Variants in GALNT18 observed in about 807,000 individuals in gnomAD.
The protein encoded by GALNT18 is polypeptide N-acetylgalactosaminyltransferase 18.
A neutral mutation model predicts 69.5 loss-of-function variants in GALNT18; 44 were observed. That is an observed-to-expected ratio of 0.63 (90% CI 0.50 to 0.81). GALNT18 has a LOEUF of 0.81. Among genes scored for constraint, GALNT18 ranks in the 40% least tolerant of loss-of-function variants. The probability of loss-of-function intolerance (pLI) is 0.00; values close to 1 mark genes in which losing one functional copy is unlikely to be tolerated. For missense variants in GALNT18, 715 were observed against 810.0 expected, an observed-to-expected ratio of 0.88 and a Z score of 1.42; for synonymous variants, 364 against 318.2, an observed-to-expected ratio of 1.14 and a Z score of -1.53.
rs1283727620 is a variant in GALNT18, at chr11:11,541,000, G to A, written c.235+80359C>T. Among the ~76,000 whole-genome samples the A allele has an allele frequency of 1.3e-5, 2 of 152,136 alleles. No homozygotes were observed. The highest frequency in any genetic ancestry group is 4.8e-5 in the African/African-American group (2 of 41,434). The stretch of plus-strand genomic sequence containing the variant: ...TCTTTTCTTTGATGGTGGATACTTC[G>A]GAAAACAGAAATAGAATTACTTAAA... On this transcript the variant is annotated intron_variant, in intron 1 of 10. Coordinates refer to ENST00000227756, the MANE Select transcript of GALNT18 (RefSeq NM_198516.3). This position sits in a 1 kb window ranked among gnomAD's most constrained non-coding sequence, Gnocchi z 4.6.
At chr11:11,304,757 G>A (rs10831582) in intron 9 of GALNT18, among the ~76,000 whole-genome samples, 87,864 of 151,834 alleles carry the variant, frequency 0.58, 27,007 homozygotes, top group Admixed American at 0.74. Context: ...TAGCTGGAAC[G>A]TGAGCGGGAG....
chr11:11,404,062 T>C lies in GALNT18; in HGVS notation c.596-24798A>G, dbSNP rs1854530875. 6.6e-6 allele frequency among the ~76,000 whole-genome samples: 1 copy of C among 152,210 alleles called. No homozygotes were observed. Among genetic ancestry groups the C allele is most frequent in the Admixed American group, 6.5e-5 (1 of 15,290 alleles). ...CTTCTGAGGGAGCTGTGCCCAGAGA[T>C]ACCAGGCAAATGATGAGCGAATGCC... On this transcript the variant is annotated intron_variant, in intron 3 of 10. Transcript: ENST00000227756. This position sits in a 1 kb window ranked among gnomAD's most constrained non-coding sequence, Gnocchi z 4.5.
In GALNT18 at chr11:11,465,920, G is replaced by C. The variant is rs981704975; in HGVS notation, c.236-16984C>G. On this transcript the variant is annotated intron_variant, in intron 1 of 10. Transcript: ENST00000227756. The surrounding 1 kb of genome is among the most constrained non-coding windows in gnomAD (Gnocchi z 5.7). ...CACCAGTGCTCTGCTCAACATAGGG[G>C]GTAGGAAGGTCTCCCAGATGTGGAT... Among the ~76,000 whole-genome samples, 1 of 152,172 alleles carries C rather than the reference G, an allele frequency of 6.6e-6. No individual in the cohort carries two copies. Among genetic ancestry groups the C allele is most frequent in the Admixed American group, 6.5e-5 (1 of 15,274 alleles).
chr11:11,484,852 A>T (rs1036641677), intron 1 of GALNT18, among the ~76,000 whole-genome samples: 1 of 152,174 alleles, frequency 6.6e-6, no homozygotes, highest in African/African-American at 2.4e-5. Context: ...GAGCCCACAA[A>T]TCAGTGCACT....
chr11:11,547,746 C>A (rs572456841), intron 1 of GALNT18, among the ~76,000 whole-genome samples: 9 of 152,304 alleles, frequency 5.9e-5, no homozygotes, highest in Middle Eastern at 6.8e-3. Flanking sequence ...TTGGGGTGAG[C>A]AATATTAACA....
At chr11:11,535,988 G>A (rs1041418646) in intron 1 of GALNT18, among the ~76,000 whole-genome samples, 4 of 152,174 alleles carry the variant, frequency 2.6e-5, no homozygotes, top group Admixed American at 6.5e-5. Flanking sequence ...CCCTATCCAC[G>A]GAGGTCCAAG....
At chr11:11,440,969 C>T (rs1855520983) in intron 2 of GALNT18, among the ~76,000 whole-genome samples, 1 of 152,304 alleles carries the variant, frequency 6.6e-6, no homozygotes, top group East Asian at 1.9e-4. Flanking sequence ...AAGTGGGGAA[C>T]CAGGTTTTAA....
In GALNT18 at chr11:11,563,486, T is replaced by C. The variant is rs372628340; in HGVS notation, c.235+57873A>G. ...ACAAGTAGTTTCCAACTTGTGAGTT[T>C]GAACACTTAAGCTGAAAAAGGATTT... On this transcript the variant is annotated intron_variant, in intron 1 of 10. Coordinates refer to ENST00000227756, the MANE Select transcript of GALNT18 (RefSeq NM_198516.3). The surrounding 1 kb of genome is among the most constrained non-coding windows in gnomAD (Gnocchi z 4.6). Among the ~76,000 whole-genome samples the C allele has an allele frequency of 6.6e-6, 1 of 152,202 alleles. No homozygotes were observed. Among genetic ancestry groups the C allele is most frequent in the African/African-American group, 2.4e-5 (1 of 41,450 alleles).
At position 11,583,139 on chromosome 11, in the gene GALNT18, T is replaced by C. The variant is rs1187169498; in HGVS notation, c.235+38220A>G. 6.6e-6 allele frequency among the ~76,000 whole-genome samples: 1 copy of C among 152,180 alleles called. No homozygotes were observed. The highest frequency in any genetic ancestry group is 2.4e-5 in the African/African-American group (1 of 41,438). On this transcript the variant is annotated intron_variant, in intron 1 of 10. Transcript: ENST00000227756. The surrounding 1 kb of genome is among the most constrained non-coding windows in gnomAD (Gnocchi z 4.7). ...CTCTTTCCTGAGAAGTTACACTCAATTTGTCCCTTTAATGAGGTTTTTCCA... is the reference window on the plus strand; with the variant it reads ...CTCTTTCCTGAGAAGTTACACTCAACTTGTCCCTTTAATGAGGTTTTTCCA...
rs533375141 is a variant in GALNT18 at position 11,616,118 on chromosome 11, A to G, written c.235+5241T>C. Among the ~76,000 whole-genome samples, 2 of 152,162 alleles carry G rather than the reference A, an allele frequency of 1.3e-5. No homozygotes were observed. Among genetic ancestry groups the G allele is most frequent in the South Asian group, 4.2e-4 (2 of 4,812 alleles). On this transcript the variant is annotated intron_variant, in intron 1 of 10. Coordinates refer to ENST00000227756, the MANE Select transcript of GALNT18 (RefSeq NM_198516.3). The surrounding 1 kb of genome is among the most constrained non-coding windows in gnomAD (Gnocchi z 4.4). ...CCTAAAGTGCTGGGATTATAGGTAT[A>G]AGCCACCACGCCTGGCCAAACACTG...
At position 11,607,058 on chromosome 11, in the gene GALNT18, A is replaced by G. The variant is rs368399929; in HGVS notation, c.235+14301T>C. On this transcript the variant is annotated intron_variant, in intron 1 of 10. Coordinates refer to ENST00000227756, the MANE Select transcript of GALNT18 (RefSeq NM_198516.3). ...GTTGATATGTGAGGAAAGAGAAAGCAACTGCACTGAGCTGCGCAACACAAT... is the reference window on the plus strand; with the variant it reads ...GTTGATATGTGAGGAAAGAGAAAGCGACTGCACTGAGCTGCGCAACACAAT... Among the ~76,000 whole-genome samples, 3 of 152,256 alleles carry G rather than the reference A, an allele frequency of 2.0e-5. No individual in the cohort carries two copies. The East Asian group carries it at 5.8e-4, about 29-fold the overall frequency.
chr11:11,277,690 G>A (rs1027886341), intron 10 of GALNT18, among the ~76,000 whole-genome samples: 1 of 152,072 alleles, frequency 6.6e-6, no homozygotes, highest in Non-Finnish European at 1.5e-5. Flanking sequence ...CAGAGATTCT[G>A]GTATGTTGTG....
chr11:11,480,141 T>C lies in GALNT18; in HGVS notation c.236-31205A>G, dbSNP rs557861982. Among the ~76,000 whole-genome samples, 82 of 152,238 alleles carry C rather than the reference T, an allele frequency of 5.4e-4. No homozygotes were observed. Among genetic ancestry groups the C allele is most frequent in the African/African-American group, 1.9e-3 (80 of 41,538 alleles). ...TGAGCTTCAACTTCCTTTTATTCAA[T>C]AACCTCCTATCTGAAACATCATCTC... On this transcript the variant is annotated intron_variant, in intron 1 of 10. Coordinates refer to ENST00000227756, the MANE Select transcript of GALNT18 (RefSeq NM_198516.3). The surrounding 1 kb of genome is among the most constrained non-coding windows in gnomAD (Gnocchi z 4.6).
Position 11,543,638 on chromosome 11 carries a change from G to C in GALNT18, c.235+77721C>G, listed in dbSNP as rs1170290530. 3.3e-5 allele frequency among the ~76,000 whole-genome samples: 5 copies of C among 152,212 alleles called. No individual in the cohort carries two copies. Among genetic ancestry groups the C allele is most frequent in the Non-Finnish European group, 5.9e-5 (4 of 68,036 alleles). On this transcript the variant is annotated intron_variant, in intron 1 of 10. Coordinates refer to ENST00000227756, the MANE Select transcript of GALNT18 (RefSeq NM_198516.3). This position sits in a 1 kb window ranked among gnomAD's most constrained non-coding sequence, Gnocchi z 5.1. ...CCTGGCTTCAGTGCCCAGCACATCA[G>C]AGCCTCTGTTCCTCCCCTCGCCACC...
chr11:11,574,113 C>T (rs758278129), intron 1 of GALNT18, among the ~76,000 whole-genome samples: 61 of 152,140 alleles, frequency 4.0e-4, no homozygotes, highest in Non-Finnish European at 6.9e-4. Flanking sequence ...GCTCCCCATG[C>T]CCCATGGGAG....
At position 11,419,596 on chromosome 11, in the gene GALNT18, CAAAAAAAAAAAAAAA is replaced by C. The variant is rs58012512; in HGVS notation, c.595+13010_595+13024del. On this transcript the variant is annotated intron_variant, in intron 3 of 10. Coordinates refer to ENST00000227756, the MANE Select transcript of GALNT18 (RefSeq NM_198516.3). ...TGGGCAACAAAGCAAGATCCTGTCTCAAAAAAAAAAAAAAAAAAAAAAAAAAGAAAGAAGGAAAAG... is the reference window on the plus strand; with the variant it reads ...TGGGCAACAAAGCAAGATCCTGTCTCAAAAAAAAAAAGAAAGAAGGAAAAG... 1.9e-4 allele frequency among the ~76,000 whole-genome samples: 5 copies of C among 26,618 alleles called. No individual in the cohort carries two copies. In the South Asian group the frequency reaches 4.7e-3, roughly 25 times the overall value. The allele number at this position is 26,618 out of a possible 152,430, so 17.5% of individuals were successfully genotyped here.
At chr11:11,279,817 C>T (rs897344400) in intron 10 of GALNT18, among the ~76,000 whole-genome samples, 3 of 152,108 alleles carry the variant, frequency 2.0e-5, no homozygotes, top group African/African-American at 7.2e-5. Flanking sequence ...GTGATGGAAA[C>T]CTAGGGATTT....
In GALNT18 at chr11:11,621,380, C is replaced by T; in HGVS notation, c.214G>A (p.Val72Ile). 4 of 1,613,998 alleles carry T rather than the reference C, an allele frequency of 2.5e-6. No individual in the cohort carries two copies. The highest frequency in any genetic ancestry group is 2.2e-5 in the East Asian group (1 of 44,836). Reference protein sequence around the residue: ...IIERLDHLENVIKQHIQEAPA... With the variant: ...IIERLDHLENIIKQHIQEAPA... Reference sequence around the variant, plus strand: ...GTACCTTGAATGTGCTGCTTGATGACATTCTCCAGGTGGTCCAGCCGCTCA... The same window carrying T: ...GTACCTTGAATGTGCTGCTTGATGATATTCTCCAGGTGGTCCAGCCGCTCA... The change falls in exon 1 of 11, where the codon GTC (valine) becomes ATC (isoleucine). Residue 72 changes from valine (V) to isoleucine (I), a missense_variant. Physicochemically the swap from Val to Ile is conservative, Grantham distance 29. Transcript: ENST00000227756. This position sits in a 1 kb window ranked among gnomAD's most constrained non-coding sequence, Gnocchi z 9.3.
intron 1 of GALNT18, among the ~76,000 whole-genome samples, chr11:11,612,259 GAAAT>G (rs1346704495): frequency 2.0e-5 from 3 of 152,174 alleles, no homozygotes; most frequent in Admixed American, 6.6e-5. Context: ...TTTGTTCATT[GAAAT>G]AAATAAATAA....
Sources: allele counts gnomAD v4.1 joint callset (sites outside exome capture counted in the v4.1 genomes callset), GRCh38; gene constraint gnomAD v4.1.1; non-coding constraint Gnocchi (gnomAD v3.1); transcripts MANE v1.5; gene names NCBI Gene and HGNC (gene_info 2026-07-23, HGNC 2026-07-21).